Variants in CD84 observed in about 807,000 individuals in gnomAD.
The protein encoded by CD84 is CD84 molecule.
A neutral mutation model predicts 33.8 loss-of-function variants in CD84; 22 were observed. The ratio of observed to expected loss-of-function variants is 0.65; its 90% CI spans 0.46 to 0.93. The LOEUF (loss-of-function observed/expected upper bound fraction) is 0.93, where lower values mean the gene tolerates loss of function less well. CD84 is among the 40% of genes least tolerant of loss of function. The pLI is 0.00. For missense variants in CD84, 400 were observed against 397.6 expected (o/e 1.01, Z -0.05); for synonymous variants, 154 against 145.2 (o/e 1.06, Z -0.44).
intron 1 of CD84, among the ~76,000 whole-genome samples, chr1:160,577,474 C>T (rs1658048606): frequency 6.6e-6 from 1 of 152,168 alleles, no homozygotes; most frequent in Non-Finnish European, 1.5e-5. Context: ...TAAAAACAAG[C>T]TCCCATTCCC....
At chr1:160,565,353 A>C in intron 2 of CD84, 51 bp downstream of exon 2, 1 of 1,428,938 alleles carries the variant, frequency 7.0e-7, no homozygotes. Context: ...TCAGATAGCA[A>C]ACTTGCAAAG....
At chr1:160,550,862 C>T in intron 5 of CD84, 76 bp downstream of exon 5, 1 of 1,601,576 alleles carries the variant, frequency 6.2e-7, no homozygotes, top group Non-Finnish European at 8.5e-7. Context: ...CAACAACAAG[C>T]AGAGGCAATG....
Position 160,548,379 on chromosome 1 carries a change from A to T in CD84, c.922-58T>A, listed in dbSNP as rs1246171980. On this transcript the variant is annotated intron_variant, in intron 6 of 6. Transcript: ENST00000368054. ...CTGAGAGGTGCTGCTGGGGAACTCC[A>T]GTCCTGCAAGTTCCCAGAGGAGTTA... The T allele has an allele frequency of 1.3e-5, 20 of 1,571,230 alleles. No homozygotes were observed. The African/African-American group carries it at 2.4e-4, about 19-fold the overall frequency.
At chr1:160,548,459 G>A in intron 6 of CD84, 138 bp from the exon 7 acceptor site, 1 of 821,498 alleles carries the variant, frequency 1.2e-6, no homozygotes, top group East Asian at 2.7e-5. Flanking sequence ...GAAATCTGGG[G>A]TAGCAGGGCC....
chr1:160,541,531 A>G lies in CD84; in HGVS notation c.*6725T>C, dbSNP rs1358856047. ...CTTGTGTGCCAAATGCTGTAAAAGT[A>G]TAAATAGAGGGCAATATATTTCGCT... is the stretch of plus-strand genomic sequence containing the variant. On this transcript the variant is annotated 3_prime_UTR_variant, in exon 7 of 7. Transcript: ENST00000368054. The G allele has an allele frequency of 2.0e-5, 3 of 152,232 alleles. No homozygotes were observed. The allele number at this position is 152,232 out of a possible 1,614,324, so 9.4% of individuals were successfully genotyped here.
intron 6 of CD84, among the ~76,000 whole-genome samples, chr1:160,549,044 TCCTTCCCTCTCCTGATCAC>T (rs773876090): frequency 6.6e-6 from 1 of 152,086 alleles, no homozygotes; most frequent in Non-Finnish European, 1.5e-5. Flanking sequence ...TTTCTTTCCC[TCCTTCCCTCTCCTGATCAC>T]TAAGAAAGTA....
In CD84 at chr1:160,574,229, CTT is replaced by C. The variant is rs564361070; in HGVS notation, c.46+5161_46+5162del. Among the ~76,000 whole-genome samples, 104 of 151,818 alleles carry C rather than the reference CTT, an allele frequency of 6.9e-4. 1 individual carries two copies. Among genetic ancestry groups the C allele is most frequent in the African/African-American group, 2.1e-3 (85 of 41,396 alleles). On this transcript the variant is annotated intron_variant, in intron 1 of 6. Coordinates refer to ENST00000368054, the MANE Select transcript of CD84 (RefSeq NM_003874.4). ...GAAAGAGTGAAGGCAAGAGAGGACT[CTT>C]TACTGATCTCTGGGTCTTGATGTGA...
chr1:160,565,475 T>C lies in CD84; in HGVS notation c.317A>G (p.Asp106Gly), dbSNP rs1006273069. Residue 106 changes from aspartate (D) to glycine (G), a missense_variant, in exon 2 of 7, where the codon GAC becomes GGC. Transcript: ENST00000368054. ...CTGTGTATTTATGTCTGCTTTGTAGTCTCCTGCGTCTTCCATCCTCAGATC... is the reference window on the plus strand; with the variant it reads ...CTGTGTATTTATGTCTGCTTTGTAGCCTCCTGCGTCTTCCATCCTCAGATC... ...ISDLRMEDAGDYKADINTQAD... is the reference protein window; with the variant it reads ...ISDLRMEDAGGYKADINTQAD... 1.9e-6 allele frequency: 3 copies of C among 1,613,906 alleles called. No homozygotes were observed. The Admixed American group carries it at 5.0e-5, about 27-fold the overall frequency.
intron 5 of CD84, chr1:160,550,536 G>T: frequency 2.5e-6 from 2 of 785,410 alleles, no homozygotes; most frequent in Non-Finnish European, 3.1e-6. Context: ...AAGGGAACTT[G>T]TCTGTCAGTT....
intron 1 of CD84, among the ~76,000 whole-genome samples, chr1:160,572,692 T>G (rs946786956): frequency 2.6e-5 from 4 of 152,150 alleles, no homozygotes; most frequent in Non-Finnish European, 4.4e-5. Context: ...GTAACCCACA[T>G]TTACAACCTT....
intron 2 of CD84, among the ~76,000 whole-genome samples, chr1:160,564,469 A>G (rs1243427851): frequency 6.6e-6 from 1 of 152,240 alleles, no homozygotes; most frequent in African/African-American, 2.4e-5. Context: ...ACATATATTC[A>G]CAGCAGCTTT....
rs563463071 is a variant in CD84 at position 160,542,866 on chromosome 1, G to A, written c.*5390C>T. The A allele has an allele frequency of 1.4e-3, 206 of 152,168 alleles. 1 individual carries two copies. The highest frequency in any genetic ancestry group is 4.9e-3 in the African/African-American group (203 of 41,494). The allele number at this position is 152,168 out of a possible 1,614,324, so 9.4% of individuals were successfully genotyped here. A position where few individuals can be genotyped will look rare whatever the true frequency, so the allele number is the denominator to read the frequency against. On this transcript the variant is annotated 3_prime_UTR_variant, in exon 7 of 7. Transcript: ENST00000368054. ...TTTCATATGTTTTGAAAAATTACTG[G>A]ACCCCTCACACTTGGATGGGGGCTT...
intron 1 of CD84, chr1:160,571,147 G>T (rs1302649347): frequency 2.0e-5 from 3 of 152,068 alleles, no homozygotes; most frequent in Admixed American, 6.6e-5. Flanking sequence ...TTATTTTAGT[G>T]TCTCTGGTAC....
intron 6 of CD84, among the ~76,000 whole-genome samples, chr1:160,549,024 T>A (rs918885096): frequency 3.9e-5 from 6 of 152,026 alleles, no homozygotes; most frequent in Admixed American, 1.3e-4. Flanking sequence ...TCCTCATTCC[T>A]CCCCTTCTTT....
rs200573867 is a variant in CD84 at position 160,554,070 on chromosome 1, G to A, written c.465C>T (p.Cys155=). The A allele has an allele frequency of 3.4e-4, 546 of 1,614,064 alleles. No homozygotes were observed. Among genetic ancestry groups the A allele is most frequent in the Non-Finnish European group, 4.4e-4 (519 of 1,180,040 alleles). The change falls in exon 3 of 7, where the codon TGC becomes TGT. Residue 155 remains cysteine, a synonymous_variant. Transcript: ENST00000368054. ...VNSTCNVTLT[C]SVEKEEKNVT... ...CATTCTTTTCTTCTTTCTCTACAGA[G>A]CATGTCAGTGTGACATTACAGGTGC... is the stretch of plus-strand genomic sequence containing the variant.
At chr1:160,567,055 A>G (rs1199354059) in intron 1 of CD84, among the ~76,000 whole-genome samples, 1 of 152,174 alleles carries the variant, frequency 6.6e-6, no homozygotes, top group Non-Finnish European at 1.5e-5. Context: ...AATAACCAAT[A>G]TGACGTGGGC....
chr1:160,562,755 A>G (rs1191490698), intron 2 of CD84, among the ~76,000 whole-genome samples: 1 of 152,228 alleles, frequency 6.6e-6, no homozygotes, highest in Non-Finnish European at 1.5e-5. Context: ...TCTGCACAGC[A>G]AAAGAAACTA....
intron 2 of CD84, among the ~76,000 whole-genome samples, chr1:160,555,165 C>T (rs1656519992): frequency 6.6e-6 from 1 of 151,086 alleles, no homozygotes. Context: ...ACTGCAAGCT[C>T]CGCCTCCTGG....
chr1:160,552,917 A>G, intron 4 of CD84: 1 of 621,782 alleles, frequency 1.6e-6, no homozygotes, highest in Non-Finnish European at 2.9e-6. Context: ...GCACAACTAC[A>G]GAATGATCCA....
Sources: gnomAD v4.1 joint callset for allele counts (sites outside exome capture counted in the v4.1 genomes callset) on GRCh38, gnomAD v4.1.1 for gene constraint, MANE v1.5 for transcripts, NCBI Gene and HGNC (gene_info 2026-07-23, HGNC 2026-07-21) for gene names.